The following KAZN variants were observed in gnomAD, a reference collection of about 807,000 sequenced individuals.
The protein encoded by KAZN is kazrin, periplakin interacting protein, also known as kazrin.
A neutral mutation model predicts 87.4 loss-of-function variants in KAZN; 40 were observed. The ratio of observed to expected loss-of-function variants is 0.46; its 90% CI spans 0.36 to 0.60. The LOEUF (loss-of-function observed/expected upper bound fraction) is 0.60, where lower values mean the gene tolerates loss of function less well. KAZN is among the 20% of genes least tolerant of loss of function. The pLI is 0.00. For synonymous variants in KAZN, 466 were observed against 458.3 expected (o/e 1.02, Z -0.22); for missense variants, 898 against 1,073.9 (o/e 0.84, Z 2.29).
chr1:14,602,266 C>G (rs754711825), intron 1 of KAZN, among the ~76,000 whole-genome samples: 1 of 152,174 alleles, frequency 6.6e-6, no homozygotes, highest in Non-Finnish European at 1.5e-5. Flanking sequence ...TTCGGCACTT[C>G]GGAGGATATT....
intron 13 of KAZN, among the ~76,000 whole-genome samples, chr1:15,111,277 G>GTTGTTGTTGTTGTTGT (rs1641609729): frequency 1.4e-5 from 2 of 147,476 alleles, no homozygotes. Context: ...GTTGTTTGTT[G>GTTGTTGTTGTTGTTGT]TTGTTGTTGT....
At chr1:14,520,705 G>T (rs1487988714) in intron 2 of KAZN, among the ~76,000 whole-genome samples, 1 of 152,204 alleles carries the variant, frequency 6.6e-6, no homozygotes, top group Non-Finnish European at 1.5e-5. Context: ...ATCTGTTTGG[G>T]CAGAGACTGA....
chr1:14,215,966 A>G (rs1646949503), intron 2 of KAZN, among the ~76,000 whole-genome samples: 1 of 152,214 alleles, frequency 6.6e-6, no homozygotes, highest in Non-Finnish European at 1.5e-5. Flanking sequence ...TTGTATTACT[A>G]TATCAATAAC....
chr1:13,901,038 C>T (rs1317453853), intron 1 of KAZN, among the ~76,000 whole-genome samples: 1 of 76,146 alleles, frequency 1.3e-5, no homozygotes, highest in Admixed American at 1.4e-4. Flanking sequence ...CTTGGCTAAT[C>T]ATTGAAAAAA....
rs140973231 is a variant in KAZN at position 14,717,831 on chromosome 1, C to A, written c.226+118608C>A. ...TGGGCTTGGCCAAAAAAAGGTCGGG[C>A]CTTGATGCAATGTGGATGCGCTTCC... On this transcript the variant is annotated intron_variant, in intron 1 of 14. Coordinates refer to ENST00000376030, the MANE Select transcript of KAZN (RefSeq NM_201628.3). Among the ~76,000 whole-genome samples the A allele has an allele frequency of 1.8e-3, 271 of 152,284 alleles. 2 individuals carry two copies. Among genetic ancestry groups the A allele is most frequent in the African/African-American group, 6.3e-3 (262 of 41,556 alleles).
intron 1 of KAZN, among the ~76,000 whole-genome samples, chr1:14,743,038 G>C (rs1209645964): frequency 3.3e-5 from 5 of 152,214 alleles, no homozygotes. Flanking sequence ...TGAAATATGG[G>C]AGGAAGAGCT....
rs1452303992 is a variant in KAZN at position 14,815,756 on chromosome 1, A to AC, written c.227-144927dup. 2.0e-5 allele frequency among the ~76,000 whole-genome samples: 3 copies of AC among 152,162 alleles called. No homozygotes were observed. In the East Asian group the frequency reaches 5.8e-4, roughly 29 times the overall value. ...AGCCCATGCTGTGCCACCCAGGGCC[A>AC]CTGAATTGCCTTGCAGAGGCTGAGC... On this transcript the variant is annotated intron_variant, in intron 1 of 14. Coordinates refer to ENST00000376030, the MANE Select transcript of KAZN (RefSeq NM_201628.3).
At chr1:14,910,643 C>G (rs1211593696) in intron 1 of KAZN, among the ~76,000 whole-genome samples, 2 of 152,158 alleles carry the variant, frequency 1.3e-5, no homozygotes, top group Non-Finnish European at 2.9e-5. Flanking sequence ...AACTATGGCT[C>G]CAGCACAGAG....
intron 1 of KAZN, among the ~76,000 whole-genome samples, chr1:14,819,573 T>C (rs12120805): frequency 0.09 from 13,666 of 152,040 alleles, 635 homozygotes; most frequent in Admixed American, 0.12. Context: ...GAGTTTCCAG[T>C]CTGCCAAAGT....
intron 1 of KAZN, among the ~76,000 whole-genome samples, chr1:14,818,936 T>C (rs943443598): frequency 1.1e-4 from 16 of 152,090 alleles, no homozygotes; most frequent in Non-Finnish European, 2.1e-4. Flanking sequence ...GCACCTGTAA[T>C]CCCAGCTGCC....
intron 2 of KAZN, among the ~76,000 whole-genome samples, chr1:14,299,272 G>T (rs996326975): frequency 6.6e-6 from 1 of 152,172 alleles, no homozygotes; most frequent in African/African-American, 2.4e-5. Context: ...GGAGGCCGAG[G>T]TGTGTGGATC....
intron 1 of KAZN, among the ~76,000 whole-genome samples, chr1:14,915,762 G>C (rs1179293565): frequency 6.6e-6 from 1 of 152,248 alleles, no homozygotes; most frequent in Non-Finnish European, 1.5e-5. Flanking sequence ...AGTCCTTTTT[G>C]TCTCCCTAAA....
intron 1 of KAZN, among the ~76,000 whole-genome samples, chr1:14,712,229 A>G (rs955602421): frequency 1.7e-4 from 26 of 152,168 alleles, no homozygotes; most frequent in African/African-American, 5.6e-4. Flanking sequence ...CATACAGAGA[A>G]GAGATTAGAA....
intron 2 of KAZN, among the ~76,000 whole-genome samples, chr1:14,532,138 C>A (rs2148481943): frequency 6.6e-6 from 1 of 152,232 alleles, no homozygotes; most frequent in African/African-American, 2.4e-5. Context: ...ACAGCCTCCC[C>A]TCTTGCTCAG....
intron 2 of KAZN, among the ~76,000 whole-genome samples, chr1:14,425,931 C>G (rs1665699087): frequency 6.6e-6 from 1 of 152,180 alleles, no homozygotes; most frequent in Non-Finnish European, 1.5e-5. Context: ...CCTGCCCATC[C>G]CCCAACTTTC....
intron 1 of KAZN, among the ~76,000 whole-genome samples, chr1:14,921,470 T>G (rs1658516722): frequency 6.6e-6 from 1 of 152,210 alleles, no homozygotes; most frequent in Non-Finnish European, 1.5e-5. Context: ...CAAATTTAGA[T>G]TTCATGTAAA....
At chr1:14,782,800 C>CTGGAGGAATCCCAGGG (rs1553130457) in intron 1 of KAZN, among the ~76,000 whole-genome samples, 2 of 152,148 alleles carry the variant, frequency 1.3e-5, no homozygotes, top group Non-Finnish European at 2.9e-5. Flanking sequence ...TCCTGAGTCG[C>CTGGAGGAATCCCAGGG]TGGAGGAATC....
chr1:14,409,126 C>T (rs1250662330), intron 2 of KAZN, among the ~76,000 whole-genome samples: 1 of 152,138 alleles, frequency 6.6e-6, no homozygotes, highest in Non-Finnish European at 1.5e-5. Flanking sequence ...GAAGGCAACC[C>T]TCTTGTACAA....
intron 2 of KAZN, among the ~76,000 whole-genome samples, chr1:15,012,852 G>A (rs1305575100): frequency 6.6e-6 from 1 of 152,178 alleles, no homozygotes; most frequent in Non-Finnish European, 1.5e-5. Flanking sequence ...AACTGGGGAG[G>A]CAGAGGTTGC....
Sources: gnomAD v4.1 joint callset for allele counts (sites outside exome capture counted in the v4.1 genomes callset) on GRCh38, gnomAD v4.1.1 for gene constraint, MANE v1.5 for transcripts, NCBI Gene and HGNC (gene_info 2026-07-23, HGNC 2026-07-21) for gene names.